The following HIVEP1 variants were observed in gnomAD, a reference collection of about 807,000 sequenced individuals.
The protein encoded by HIVEP1 is zinc finger protein 40.
Under a neutral mutation model 180.0 loss-of-function variants are expected in HIVEP1, and 36 were observed. The ratio of observed to expected loss-of-function variants is 0.20; its 90% confidence interval spans 0.15 to 0.26. The LOEUF is 0.26. HIVEP1 is among the 10% of genes least tolerant of loss of function. The pLI, the probability that HIVEP1 is intolerant of heterozygous loss-of-function variation, is 1.00. For synonymous variants in HIVEP1, 1,239 were observed against 1,239.0 expected (o/e 1.00, Z 0.00); for missense variants, 3,143 against 3,268.7 (o/e 0.96, Z 0.94).
At chr6:12,197,092 G>C in the HIVEP1 span, among the ~76,000 whole-genome samples, 1 of 152,186 alleles carries the variant, frequency 6.6e-6, no homozygotes, top group Non-Finnish European at 1.5e-5. Context: ...CAAAGAAAGA[G>C]TCTCTAAATC....
chr6:12,211,408 AAAAAAAG>A, the HIVEP1 span, among the ~76,000 whole-genome samples: 1 of 123,596 alleles, frequency 8.1e-6, no homozygotes, highest in Non-Finnish European at 1.7e-5. Flanking sequence ...TCAAAAAAAA[AAAAAAAG>A]AAAAAGAAAA....
At chr6:12,187,547 C>T in the HIVEP1 span, among the ~76,000 whole-genome samples, 2 of 152,082 alleles carry the variant, frequency 1.3e-5, no homozygotes, top group Non-Finnish European at 2.9e-5. Flanking sequence ...ATATAGATCC[C>T]CAATCCTGAA....
chr6:12,204,620 T>C, the HIVEP1 span, among the ~76,000 whole-genome samples: 2 of 152,198 alleles, frequency 1.3e-5, no homozygotes, highest in Non-Finnish European at 2.9e-5. Flanking sequence ...TTGAGCATGA[T>C]CTACAGACCA....
chr6:12,029,778 C>T (rs1486084099), intron 2 of HIVEP1, among the ~76,000 whole-genome samples: 1 of 152,078 alleles, frequency 6.6e-6, no homozygotes, highest in Non-Finnish European at 1.5e-5. Context: ...AAGCAGGTTA[C>T]ACAGTGTTAA....
chr6:12,179,682 CACTT>C, the HIVEP1 span, among the ~76,000 whole-genome samples: 2 of 152,144 alleles, frequency 1.3e-5, no homozygotes, highest in Non-Finnish European at 2.9e-5. Flanking sequence ...AGGTGAGTAT[CACTT>C]ACAAGTAACA....
At chr6:12,130,688 TG>T in intron 5 of HIVEP1, 78 bp from the exon 6 acceptor site, 1 of 746,728 alleles carries the variant, frequency 1.3e-6, no homozygotes, top group Non-Finnish European at 2.1e-6. Context: ...GTTTTATCTT[TG>T]GGTTGAATTT....
chr6:12,164,338 G>A lies in HIVEP1; in HGVS notation c.8034G>A (p.Gln2678=). 6.2e-7 allele frequency: 1 copy of A among 1,614,056 alleles called. No individual in the cohort carries two copies. ...AAGTTTTTACAAAGCCCTCAGGCCAGCAGACTCTCTCTCCAGACAGACAGG... is the reference window on the plus strand; with the variant it reads ...AAGTTTTTACAAAGCCCTCAGGCCAACAGACTCTCTCTCCAGACAGACAGG... The part of the protein sequence containing the change: ...HSEVFTKPSG[Q]QTLSPDRQVP... Residue 2678 remains glutamine, a synonymous_variant, in exon 9 of 9, where the codon CAG becomes CAA. Transcript: ENST00000379388.
intron 3 of HIVEP1, among the ~76,000 whole-genome samples, chr6:12,111,745 G>A (rs1390122918): frequency 6.6e-6 from 1 of 152,128 alleles, no homozygotes; most frequent in Non-Finnish European, 1.5e-5. Flanking sequence ...CATTGTTATG[G>A]GATTGTGTAA....
the HIVEP1 span, among the ~76,000 whole-genome samples, chr6:12,208,184 T>G: frequency 6.6e-6 from 1 of 152,192 alleles, no homozygotes; most frequent in Admixed American, 6.5e-5. Context: ...AGTTGTTGAT[T>G]TACATGTTTC....
At position 12,120,906 on chromosome 6, in the gene HIVEP1, A is replaced by G. The variant is rs1025877127; in HGVS notation, c.1111A>G (p.Met371Val). 6.8e-6 allele frequency: 11 copies of G among 1,614,058 alleles called. No homozygotes were observed. Among genetic ancestry groups the G allele is most frequent in the African/African-American group, 1.3e-5 (1 of 74,924 alleles). The part of the protein sequence containing the change: ...SPANSTQSPP[M>V]PIYNSTHVAS... ...GGCTAATTCTACACAGTCGCCCCCC[A>G]TGCCAATCTATAATTCAACTCATGT... Residue 371 changes from methionine to valine, a missense_variant, in exon 4 of 9, where the codon ATG (methionine) becomes GTG (valine). Met to Val is a conservative substitution (Grantham distance 21). Transcript: ENST00000379388.
At chr6:12,088,687 A>G (rs145529895) in intron 2 of HIVEP1, among the ~76,000 whole-genome samples, 84 of 152,254 alleles carry the variant, frequency 5.5e-4, no homozygotes, top group African/African-American at 2.0e-3. Context: ...TGTCAGCTCT[A>G]TGCTGCCAGC....
the HIVEP1 span, among the ~76,000 whole-genome samples, chr6:12,200,524 G>C: frequency 6.6e-6 from 1 of 152,212 alleles, no homozygotes; most frequent in African/African-American, 2.4e-5. Flanking sequence ...TTTGGGGCTT[G>C]CCTGCCCTGC....
intron 7 of HIVEP1, among the ~76,000 whole-genome samples, chr6:12,155,628 A>C (rs1405619526): frequency 6.6e-6 from 1 of 152,196 alleles, no homozygotes; most frequent in African/African-American, 2.4e-5. Context: ...TATGGTGTAC[A>C]TGCACCACGT....
chr6:12,065,426 T>C (rs115348999), intron 2 of HIVEP1, among the ~76,000 whole-genome samples: 1,594 of 152,284 alleles, frequency 0.01, 7 homozygotes, highest in South Asian at 0.02. Context: ...GCATGTGACA[T>C]TGATGCTCAC....
At chr6:12,179,683 A>G in the HIVEP1 span, among the ~76,000 whole-genome samples, 1 of 152,222 alleles carries the variant, frequency 6.6e-6, no homozygotes, top group African/African-American at 2.4e-5. Flanking sequence ...GGTGAGTATC[A>G]CTTACAAGTA....
chr6:12,061,418 A>G lies in HIVEP1; in HGVS notation c.41-27766A>G, dbSNP rs575963325. Among the ~76,000 whole-genome samples, 53 of 152,364 alleles carry G rather than the reference A, an allele frequency of 3.5e-4. 2 individuals carry two copies. The South Asian group carries it at 0.011, about 31-fold the overall frequency. On this transcript the variant is annotated intron_variant, in intron 2 of 8. Transcript: ENST00000379388. Reference sequence around the variant, plus strand: ...AATCTAATATGGTAGGTTAAACTGTAACCAGAAATGACTGTGTTACTAACC... The same window carrying G: ...AATCTAATATGGTAGGTTAAACTGTGACCAGAAATGACTGTGTTACTAACC...
chr6:12,164,138 A>G lies in HIVEP1; in HGVS notation c.7834A>G (p.Lys2612Glu). 2 of 1,614,208 alleles carry G rather than the reference A, an allele frequency of 1.2e-6. No homozygotes were observed. The highest frequency in any genetic ancestry group is 8.5e-7 in the Non-Finnish European group (1 of 1,180,042). The change falls in exon 9 of 9, where the codon AAA becomes GAA. Residue 2612 changes from lysine to glutamate, a missense_variant. Transcript: ENST00000379388. ...ACCTACAGTCCAGCGGGAAAATGCA[A>G]AAAAAGTTCTGAATCCACCTGCCCC... ...GLPTVQRENA[K>E]KVLNPPAPAG... is the part of the protein sequence containing the mutation.
chr6:12,109,275 G>C (rs1477587846), intron 3 of HIVEP1, among the ~76,000 whole-genome samples: 1 of 152,222 alleles, frequency 6.6e-6, no homozygotes, highest in Non-Finnish European at 1.5e-5. Flanking sequence ...TTACAGGCGT[G>C]AGCCACAGGG....
At chr6:12,185,617 G>A in the HIVEP1 span, among the ~76,000 whole-genome samples, 1 of 152,196 alleles carries the variant, frequency 6.6e-6, no homozygotes, top group African/African-American at 2.4e-5. Context: ...TAAAAAGTGA[G>A]CCAAAGACTT....
Sources: gnomAD v4.1 joint callset for allele counts (sites outside exome capture counted in the v4.1 genomes callset) on GRCh38, gnomAD v4.1.1 for gene constraint, MANE v1.5 for transcripts, NCBI Gene and HGNC (gene_info 2026-07-23, HGNC 2026-07-21) for gene names.